The following TRA2A variants were observed in gnomAD, a reference collection of about 807,000 sequenced individuals.
The protein encoded by TRA2A is transformer-2 protein homolog alpha.
A neutral mutation model predicts 45.7 loss-of-function variants in TRA2A; 31 were observed. The ratio of observed to expected loss-of-function variants is 0.68; its 90% CI spans 0.51 to 0.92. The LOEUF (loss-of-function observed/expected upper bound fraction) is 0.92, where lower values mean the gene tolerates loss of function less well. Ranked by LOEUF, TRA2A falls within the 40% of genes least tolerant of loss-of-function variation. The probability of loss-of-function intolerance (pLI) is 0.00; values close to 1 mark genes in which losing one functional copy is unlikely to be tolerated. For missense variants in TRA2A, 304 were observed against 367.5 expected (o/e 0.83, Z 1.41); for synonymous variants, 132 against 126.2 (o/e 1.05, Z -0.31).
intron 3 of TRA2A, among the ~76,000 whole-genome samples, chr7:23,515,212 G>A (rs1464380431): frequency 6.6e-6 from 1 of 150,558 alleles, no homozygotes; most frequent in Non-Finnish European, 1.5e-5. Context: ...TTGAATTCGT[G>A]GAACATATTT....
intron 5 of TRA2A, chr7:23,506,542 C>A (rs556600123): frequency 2.6e-6 from 1 of 388,342 alleles, no homozygotes. Context: ...CAAATTGAAA[C>A]GATGAAGCAC....
At chr7:23,530,231 A>G (rs564561043) in intron 1 of TRA2A, among the ~76,000 whole-genome samples, 109 of 152,336 alleles carry the variant, frequency 7.2e-4, no homozygotes, top group African/African-American at 2.5e-3. Flanking sequence ...CCATCAATAC[A>G]CCATCCTAAA....
At chr7:23,524,097 T>C (rs1790244320) in intron 1 of TRA2A, among the ~76,000 whole-genome samples, 1 of 152,248 alleles carries the variant, frequency 6.6e-6, no homozygotes, top group Non-Finnish European at 1.5e-5. Flanking sequence ...GATAATTCAG[T>C]AACATCTTAA....
chr7:23,505,999 T>C, intron 6 of TRA2A, 139 bp downstream of exon 6: 1 of 797,758 alleles, frequency 1.3e-6, no homozygotes, highest in Non-Finnish European at 2.0e-6. Context: ...ATATACAGAC[T>C]GCTAACTTCT....
At chr7:23,531,236 A>G in intron 1 of TRA2A, 1 of 986,992 alleles carries the variant, frequency 1.0e-6, no homozygotes, top group Non-Finnish European at 1.2e-6. Context: ...TTTTAGACGC[A>G]ACGCCGCCGG....
In TRA2A at chr7:23,517,477, CAAAAAAAAAAAA is replaced by C. The variant is rs70954385; in HGVS notation, c.171-961_171-950del. ...TGGGCGACAGAGCAAGACTACGTCT[CAAAAAAAAAAAA>C]AAAAAAAAAAAAAAAGAGAGAAAGA... On this transcript the variant is annotated intron_variant, in intron 2 of 7. Coordinates refer to ENST00000297071, the MANE Select transcript of TRA2A (RefSeq NM_013293.5). Among the ~76,000 whole-genome samples, 321 of 13,938 alleles carry C rather than the reference CAAAAAAAAAAAA, an allele frequency of 0.023. 26 individuals carry two copies. The Middle Eastern group carries it at 0.29, about 12-fold the overall frequency. 9.1% of individuals were successfully genotyped at this position (13,938 alleles called of 152,430 possible). A position where few individuals can be genotyped will look rare whatever the true frequency, so the allele number is the denominator to read the frequency against.
At chr7:23,520,029 C>T (rs1487792685) in intron 2 of TRA2A, among the ~76,000 whole-genome samples, 4 of 152,164 alleles carry the variant, frequency 2.6e-5, no homozygotes, top group Non-Finnish European at 4.4e-5. Flanking sequence ...GAGTACAAGA[C>T]CAGCCTGGCC....
chr7:23,523,349 CTTGT>C (rs1203212955), intron 1 of TRA2A, among the ~76,000 whole-genome samples: 4 of 152,028 alleles, frequency 2.6e-5, no homozygotes, highest in Admixed American at 6.6e-5. Context: ...TGATCATAAG[CTTGT>C]TTTTTTTAAC....
intron 1 of TRA2A, 109 bp downstream of exon 1, chr7:23,531,680 G>A: frequency 8.4e-7 from 1 of 1,196,962 alleles, no homozygotes; most frequent in South Asian, 1.3e-5. Flanking sequence ...GATGGCTCCA[G>A]AGGTTGCTCC....
intron 4 of TRA2A, among the ~76,000 whole-genome samples, chr7:23,509,473 C>A (rs144017689): frequency 2.1e-4 from 32 of 152,308 alleles, no homozygotes; most frequent in African/African-American, 7.2e-4. Flanking sequence ...CGATGGCTCA[C>A]ACCTGTACTC....
chr7:23,525,416 G>C (rs1790301096), intron 1 of TRA2A, among the ~76,000 whole-genome samples: 1 of 152,124 alleles, frequency 6.6e-6, no homozygotes, highest in Non-Finnish European at 1.5e-5. Context: ...CAGTAATCTG[G>C]CTCCTGCATC....
chr7:23,531,073 G>A (rs1790562103), intron 1 of TRA2A: 1 of 225,568 alleles, frequency 4.4e-6, no homozygotes, highest in Non-Finnish European at 7.4e-6. Context: ...TCATTTCGAA[G>A]TGAAAGGAAA....
intron 6 of TRA2A, 56 bp from the exon 7 acceptor site, chr7:23,505,869 TG>T: frequency 8.9e-7 from 1 of 1,122,842 alleles, no homozygotes; most frequent in Non-Finnish European, 1.3e-6. Context: ...CTGAGGCAGA[TG>T]AAAATAAAAA....
intron 1 of TRA2A, among the ~76,000 whole-genome samples, chr7:23,525,252 CT>C (rs1790293767): frequency 6.6e-6 from 1 of 152,154 alleles, no homozygotes. Context: ...ATAATTTCAA[CT>C]TTTTCTCAAA....
chr7:23,512,911 T>C lies in TRA2A; in HGVS notation c.508A>G (p.Ile170Val). The part of the protein sequence containing the change: ...RGFAFVYFER[I>V]DDSKEAMERA... ...AAATTTACCTCCTTTGAGTCATCTA[T>C]TCTCTCAAAATACACAAAAGCAAAT... The change falls in exon 4 of 8, where the codon ATA (isoleucine) becomes GTA (valine). Residue 170 changes from isoleucine (I) to valine (V), a missense_variant. Coordinates refer to ENST00000297071, the MANE Select transcript of TRA2A (RefSeq NM_013293.5). 2 of 1,613,090 alleles carry C rather than the reference T, an allele frequency of 1.2e-6. No homozygotes were observed. Among genetic ancestry groups the C allele is most frequent in the Non-Finnish European group, 1.7e-6 (2 of 1,179,524 alleles).
At chr7:23,531,755 G>A (rs769317619) in intron 1 of TRA2A, 34 bp downstream of exon 1, 3 of 1,611,572 alleles carry the variant, frequency 1.9e-6, no homozygotes, top group South Asian at 2.2e-5. Context: ...GCATTGGGCC[G>A]CCGCCTAGAC....
chr7:23,507,776 G>C (rs1464841437), intron 4 of TRA2A, among the ~76,000 whole-genome samples: 1 of 151,972 alleles, frequency 6.6e-6, no homozygotes, highest in Non-Finnish European at 1.5e-5. Context: ...TTCCAGTTCT[G>C]GTTCAATTCC....
chr7:23,514,519 C>CT (rs1379343859), intron 3 of TRA2A, among the ~76,000 whole-genome samples: 4 of 152,054 alleles, frequency 2.6e-5, no homozygotes, highest in Admixed American at 2.6e-4. Context: ...AATTCAAATG[C>CT]TTTACATCCC....
intron 1 of TRA2A, among the ~76,000 whole-genome samples, chr7:23,528,894 G>A (rs1790451099): frequency 6.6e-6 from 1 of 152,008 alleles, no homozygotes; most frequent in Non-Finnish European, 1.5e-5. Context: ...CTGAAAAGGA[G>A]GCAATAAGAA....
Sources: gnomAD v4.1 joint callset for allele counts (sites outside exome capture counted in the v4.1 genomes callset) on GRCh38, gnomAD v4.1.1 for gene constraint, MANE v1.5 for transcripts, NCBI Gene and HGNC (gene_info 2026-07-23, HGNC 2026-07-21) for gene names.